CABIN1: variants seen among roughly 807,000 people sequenced by gnomAD.
The protein encoded by CABIN1 is calcineurin binding protein 1.
CABIN1 carries 133 observed loss-of-function variants against 227.7 expected under a neutral mutation model. The ratio of observed to expected loss-of-function variants is 0.58; its 90% CI spans 0.51 to 0.67. The LOEUF (loss-of-function observed/expected upper bound fraction) is 0.67, where lower values mean the gene tolerates loss of function less well. Ranked by LOEUF, CABIN1 falls within the 30% of genes least tolerant of loss-of-function variation. The pLI is 0.00. For synonymous variants in CABIN1, 1,086 were observed against 1,155.1 expected, an observed-to-expected ratio of 0.94 and a Z score of 1.21; for missense variants, 2,408 against 2,852.5, an observed-to-expected ratio of 0.84 and a Z score of 3.55.
chr22:24,107,434 TCAG>T (rs1289223901), intron 26 of CABIN1, among the ~76,000 whole-genome samples: 2 of 152,190 alleles, frequency 1.3e-5, no homozygotes, highest in African/African-American at 4.8e-5. Flanking sequence ...CAAAGTGTAG[TCAG>T]CAGCCTTTTG....
At chr22:24,037,686 A>G (rs2037026153) in intron 3 of CABIN1, among the ~76,000 whole-genome samples, 1 of 151,808 alleles carries the variant, frequency 6.6e-6, no homozygotes, top group Non-Finnish European at 1.5e-5. Flanking sequence ...CAATTCTCCA[A>G]CTCTCCATAT....
chr22:24,033,491 G>A (rs575597179), intron 1 of CABIN1, among the ~76,000 whole-genome samples: 3 of 152,310 alleles, frequency 2.0e-5, no homozygotes, highest in South Asian at 4.1e-4. Flanking sequence ...TAAAAGTGGA[G>A]CACATGTTCA....
At chr22:24,109,673 C>T (rs775535485) in intron 26 of CABIN1, among the ~76,000 whole-genome samples, 2 of 152,092 alleles carry the variant, frequency 1.3e-5, no homozygotes, top group African/African-American at 4.8e-5. Context: ...CTGCCTTTCT[C>T]CTTGTGTTCC....
chr22:24,117,553 G>GT (rs2043160048), intron 27 of CABIN1, among the ~76,000 whole-genome samples: 1 of 151,592 alleles, frequency 6.6e-6, no homozygotes, highest in African/African-American at 2.4e-5. Context: ...TTTGGGGGGG[G>GT]GGTTAGGTTT....
chr22:24,117,553 G>T (rs56036324), intron 27 of CABIN1, among the ~76,000 whole-genome samples: 3 of 151,592 alleles, frequency 2.0e-5, no homozygotes, highest in African/African-American at 7.3e-5. Context: ...TTTGGGGGGG[G>T]GGTTAGGTTT....
intron 16 of CABIN1, among the ~76,000 whole-genome samples, chr22:24,068,103 T>C (rs530808346): frequency 1.7e-4 from 26 of 152,306 alleles, no homozygotes; most frequent in African/African-American, 6.0e-4. Flanking sequence ...ATTAACATTG[T>C]TGAACTGGGA....
intron 29 of CABIN1, among the ~76,000 whole-genome samples, chr22:24,151,390 G>A (rs2045475121): frequency 6.6e-6 from 1 of 152,124 alleles, no homozygotes; most frequent in East Asian, 1.9e-4. Context: ...CCTAGCCAGA[G>A]GAGCCAGATC....
At chr22:24,155,904 C>G in intron 29 of CABIN1, 1 of 487,108 alleles carries the variant, frequency 2.1e-6, no homozygotes, top group Non-Finnish European at 3.6e-6. Flanking sequence ...GAGGATTGGC[C>G]GGCAAAAGTC....
At chr22:24,072,081 G>A (rs1460070026) in intron 17 of CABIN1, among the ~76,000 whole-genome samples, 1 of 152,098 alleles carries the variant, frequency 6.6e-6, no homozygotes, top group Admixed American at 6.5e-5. Context: ...GCTCCCCCAT[G>A]CCCTGTTCAC....
chr22:24,076,565 T>A (rs2040458417), intron 19 of CABIN1, among the ~76,000 whole-genome samples: 1 of 152,204 alleles, frequency 6.6e-6, no homozygotes, highest in South Asian at 2.1e-4. Flanking sequence ...CTACTAGTCC[T>A]TACTGAGTTT....
At position 24,112,826 on chromosome 22, in the gene CABIN1, T is replaced by C. The variant is rs78863159; in HGVS notation, c.4118-740T>C. Among the ~76,000 whole-genome samples the C allele has an allele frequency of 5.1e-4, 78 of 152,300 alleles. No homozygotes were observed. In the East Asian group the frequency reaches 7.5e-3, roughly 15 times the overall value. On this transcript the variant is annotated intron_variant, in intron 26 of 36. Coordinates refer to ENST00000263119, the MANE Select transcript of CABIN1 (RefSeq NM_012295.4). ...CCTGTACCCTGAAAGCAACAAGGTT[T>C]CCTCCCCCACCTCCATGCCTGAAGG...
intron 1 of CABIN1, among the ~76,000 whole-genome samples, chr22:24,020,344 C>T (rs1003993205): frequency 6.6e-6 from 1 of 151,808 alleles, no homozygotes; most frequent in South Asian, 2.1e-4. Flanking sequence ...ATTTTTGATA[C>T]GGGGTCTCAC....
chr22:24,091,869 G>A lies in CABIN1; in HGVS notation c.3786+26G>A, dbSNP rs750977617. 2.5e-6 allele frequency: 4 copies of A among 1,610,384 alleles called. No individual in the cohort carries two copies. In the Admixed American group the frequency reaches 6.7e-5, roughly 27 times the overall value. On this transcript the variant is annotated intron_variant, in intron 24 of 36. Coordinates refer to ENST00000263119, the MANE Select transcript of CABIN1 (RefSeq NM_012295.4). Reference sequence around the variant, plus strand: ...GTGACACCATGCTGGCCCAGGGCGGGGAAGCAGGGCAGGGGCAGGCTGGTT... The same window carrying A: ...GTGACACCATGCTGGCCCAGGGCGGAGAAGCAGGGCAGGGGCAGGCTGGTT...
chr22:24,157,635 G>A (rs772672957), intron 29 of CABIN1, among the ~76,000 whole-genome samples: 5 of 152,128 alleles, frequency 3.3e-5, no homozygotes, highest in Admixed American at 6.5e-5. Flanking sequence ...TGCCCTACAC[G>A]CCCCACGCCA....
intron 29 of CABIN1, among the ~76,000 whole-genome samples, chr22:24,137,264 T>G (rs1320831278): frequency 6.6e-6 from 1 of 152,220 alleles, no homozygotes; most frequent in East Asian, 1.9e-4. Context: ...GCCTTTCTAA[T>G]GATAAAGCTG....
intron 24 of CABIN1, 60 bp from the exon 25 acceptor site, chr22:24,095,871 C>T: frequency 6.3e-7 from 1 of 1,599,682 alleles, no homozygotes. Flanking sequence ...GCTGACTGGC[C>T]TGTGGAACAA....
chr22:24,098,225 G>T, intron 26 of CABIN1, 33 bp downstream of exon 26: 3 of 1,613,590 alleles, frequency 1.9e-6, no homozygotes, highest in East Asian at 2.2e-5. Context: ...TGCCAGCCCA[G>T]GGCGGCACAT....
intron 26 of CABIN1, among the ~76,000 whole-genome samples, chr22:24,105,919 A>G (rs891141440): frequency 6.6e-6 from 1 of 152,242 alleles, no homozygotes; most frequent in Admixed American, 6.5e-5. Flanking sequence ...CTGAGGGCTC[A>G]GCACAGGCCA....
intron 10 of CABIN1, among the ~76,000 whole-genome samples, chr22:24,057,811 T>C (rs1347237862): frequency 1.3e-5 from 2 of 152,238 alleles, no homozygotes; most frequent in Admixed American, 1.3e-4. Context: ...GATGAATTTT[T>C]CTTAAGGGGT....
Sources: allele counts gnomAD v4.1 joint callset (sites outside exome capture counted in the v4.1 genomes callset), GRCh38; gene constraint gnomAD v4.1.1; transcripts MANE v1.5; gene names NCBI Gene and HGNC (gene_info 2026-07-23, HGNC 2026-07-21).